PDE4B: variants seen among roughly 807,000 people sequenced by gnomAD.
PDE4B encodes the protein phosphodiesterase 4B.
PDE4B carries 20 observed loss-of-function variants against 82.2 expected under a neutral mutation model. That is an observed-to-expected ratio of 0.24 (90% CI 0.17 to 0.35). PDE4B has a LOEUF of 0.35. Ranked by LOEUF, PDE4B falls within the 10% of genes least tolerant of loss-of-function variation. The pLI is 1.00. For missense variants in PDE4B, 655 were observed against 907.2 expected (o/e 0.72, Z 3.57); for synonymous variants, 320 against 318.9 (o/e 1.00, Z -0.04).
At chr1:66,000,307 T>C (rs1220297718) in intron 3 of PDE4B, among the ~76,000 whole-genome samples, 1 of 152,194 alleles carries the variant, frequency 6.6e-6, no homozygotes, top group African/African-American at 2.4e-5. Context: ...TTAGAATGCT[T>C]AATTATCTAT....
intron 3 of PDE4B, among the ~76,000 whole-genome samples, chr1:66,044,626 G>C (rs938741207): frequency 6.6e-6 from 1 of 151,690 alleles, no homozygotes; most frequent in Non-Finnish European, 1.5e-5. Context: ...GAGAAAATTA[G>C]TGTAATTAAA....
chr1:65,943,050 C>T (rs993015924), intron 3 of PDE4B, among the ~76,000 whole-genome samples: 9 of 151,734 alleles, frequency 5.9e-5, no homozygotes, highest in African/African-American at 2.2e-4. Context: ...TTTTGTTGCT[C>T]ATGCTTTCAG....
intron 1 of PDE4B, among the ~76,000 whole-genome samples, chr1:65,912,172 A>G (rs1053506889): frequency 6.6e-6 from 1 of 152,134 alleles, no homozygotes; most frequent in Non-Finnish European, 1.5e-5. Flanking sequence ...ATCTTTTTTC[A>G]GTTAAATTCT....
chr1:66,191,543 G>T (rs577926), intron 3 of PDE4B, among the ~76,000 whole-genome samples: 28,729 of 152,010 alleles, frequency 0.19, 2,848 homozygotes, highest in Non-Finnish European at 0.22. Context: ...GATTACTGTC[G>T]AGTCAATAGA....
At chr1:66,305,517 G>A (rs1557690320) in intron 7 of PDE4B, among the ~76,000 whole-genome samples, 1 of 152,034 alleles carries the variant, frequency 6.6e-6, no homozygotes, top group Non-Finnish European at 1.5e-5. Context: ...CTGGGTGTCT[G>A]GTTTGTTTGT....
chr1:66,003,349 TAA>T (rs5774784), intron 3 of PDE4B, among the ~76,000 whole-genome samples: 57 of 149,360 alleles, frequency 3.8e-4, no homozygotes, highest in Middle Eastern at 3.4e-3. Flanking sequence ...TCAATACATT[TAA>T]AAAAAAAAAA....
intron 3 of PDE4B, among the ~76,000 whole-genome samples, chr1:66,147,976 G>T (rs992999023): frequency 8.5e-5 from 13 of 152,060 alleles, no homozygotes; most frequent in Non-Finnish European, 1.8e-4. Context: ...ATCATTAAAA[G>T]AATACATTCT....
rs552369887 is a variant in PDE4B, at chr1:65,859,082, A to G, written c.-70-54163A>G. 5.3e-5 allele frequency among the ~76,000 whole-genome samples: 8 copies of G among 152,284 alleles called. No individual in the cohort carries two copies. The South Asian group carries it at 1.7e-3, about 32-fold the overall frequency. ...TATTTGTGTGTTGCCCAAATATTCT[A>G]GCACAAATGCTAGAAGTGCCTAGCA... On this transcript the variant is annotated intron_variant, in intron 1 of 16. Transcript: ENST00000341517.
In PDE4B at chr1:65,797,497, A is replaced by G. The variant is rs939520734; in HGVS notation, c.-71+4249A>G. On this transcript the variant is annotated intron_variant, in intron 1 of 16. Transcript: ENST00000341517. ...TTTGTGGGCAGTGGTTTCAATGACA[A>G]TTTAATTTCTAGAGGCTTTGAGGTG... Among the ~76,000 whole-genome samples the G allele has an allele frequency of 5.3e-5, 8 of 152,234 alleles. No individual in the cohort carries two copies. In the East Asian group the frequency reaches 7.7e-4, roughly 15 times the overall value.
chr1:65,831,095 AC>A (rs1312874596), intron 1 of PDE4B, among the ~76,000 whole-genome samples: 6 of 152,034 alleles, frequency 3.9e-5, no homozygotes, highest in Non-Finnish European at 1.5e-5. Context: ...AAATTCAGTA[AC>A]CCAAGCTTAC....
At chr1:66,263,090 C>T (rs1654804216) in intron 6 of PDE4B, among the ~76,000 whole-genome samples, 1 of 152,204 alleles carries the variant, frequency 6.6e-6, no homozygotes, top group South Asian at 2.1e-4. Context: ...AATATTATGC[C>T]AGATCCCTGT....
chr1:66,319,111 C>T (rs1439608977), intron 7 of PDE4B, among the ~76,000 whole-genome samples: 1 of 152,148 alleles, frequency 6.6e-6, no homozygotes, highest in Admixed American at 6.5e-5. Flanking sequence ...AAATACAATG[C>T]GATTTTCATA....
At chr1:65,921,964 G>A (rs532119253) in intron 3 of PDE4B, among the ~76,000 whole-genome samples, 2 of 152,282 alleles carry the variant, frequency 1.3e-5, no homozygotes, top group East Asian at 3.9e-4. Context: ...CTAATGAAAA[G>A]TACTGCCTAA....
At chr1:65,867,975 A>G (rs1349632222) in intron 1 of PDE4B, among the ~76,000 whole-genome samples, 3 of 152,230 alleles carry the variant, frequency 2.0e-5, no homozygotes, top group Non-Finnish European at 4.4e-5. Context: ...GTTAATAGAC[A>G]TTTAATGAGT....
chr1:66,343,355 A>C (rs1449021817), intron 8 of PDE4B, among the ~76,000 whole-genome samples: 1 of 152,194 alleles, frequency 6.6e-6, no homozygotes, highest in East Asian at 1.9e-4. Flanking sequence ...ATTGACTAGA[A>C]AACTTCCCCT....
intron 1 of PDE4B, among the ~76,000 whole-genome samples, chr1:65,875,183 A>G (rs1478973018): frequency 6.6e-6 from 1 of 152,106 alleles, no homozygotes; most frequent in Non-Finnish European, 1.5e-5. Context: ...TTATGCAGCC[A>G]AAAAACACAT....
chr1:65,873,388 T>A lies in PDE4B; in HGVS notation c.-70-39857T>A, dbSNP rs568381764. Among the ~76,000 whole-genome samples the A allele has an allele frequency of 7.9e-5, 12 of 152,294 alleles. No individual in the cohort carries two copies. In the South Asian group the frequency reaches 2.5e-3, roughly 32 times the overall value. ...GCCAGATACATTTGTTTGAACTTTC[T>A]GTGGTAGGGATCACTGAATATTTTT... is the stretch of plus-strand genomic sequence containing the variant. On this transcript the variant is annotated intron_variant, in intron 1 of 16. Coordinates refer to ENST00000341517, the MANE Select transcript of PDE4B (RefSeq NM_002600.4).
chr1:65,938,485 T>G (rs1648272490), intron 3 of PDE4B, among the ~76,000 whole-genome samples: 8 of 152,200 alleles, frequency 5.3e-5, no homozygotes, highest in Admixed American at 5.2e-4. Context: ...TTTATTCAAA[T>G]GTGTGGTTAT....
chr1:66,000,185 G>A (rs1262885772), intron 3 of PDE4B, among the ~76,000 whole-genome samples: 5 of 152,172 alleles, frequency 3.3e-5, no homozygotes, highest in Admixed American at 3.3e-4. Flanking sequence ...TAGCATGGTT[G>A]GTGCATCAGC....
Sources: allele counts gnomAD v4.1 joint callset (sites outside exome capture counted in the v4.1 genomes callset), GRCh38; gene constraint gnomAD v4.1.1; transcripts MANE v1.5; gene names NCBI Gene and HGNC (gene_info 2026-07-23, HGNC 2026-07-21).